The following SYT1 variants were observed in gnomAD, a reference collection of about 807,000 sequenced individuals.
SYT1 encodes synaptotagmin-1.
A neutral mutation model predicts 44.8 loss-of-function variants in SYT1; 8 were observed. The observed-to-expected ratio is 0.18, with a 90% confidence interval of 0.10 to 0.32. The LOEUF (loss-of-function observed/expected upper bound fraction) is 0.32. Among genes scored for constraint, SYT1 ranks in the 10% least tolerant of loss-of-function variants. The pLI is 1.00. For missense variants in SYT1, 286 were observed against 509.3 expected (o/e 0.56, Z 4.22); for synonymous variants, 154 against 188.8 (o/e 0.82, Z 1.51).
rs75015574 is a variant in SYT1 at position 78,926,156 on chromosome 12, G to A, written c.-216-51643G>A. 1.3e-3 allele frequency among the ~76,000 whole-genome samples: 202 copies of A among 152,164 alleles called. 1 individual carries two copies. The East Asian group carries it at 0.027, about 20-fold the overall frequency. On this transcript the variant is annotated intron_variant, in intron 1 of 10. Coordinates refer to ENST00000261205, the MANE Select transcript of SYT1 (RefSeq NM_005639.3). ...CAAAGAGTCCTGAGGCATGTCTGAAGAAATGAGCAGATTACATGCTTAACT... is the reference window on the plus strand; with the variant it reads ...CAAAGAGTCCTGAGGCATGTCTGAAAAAATGAGCAGATTACATGCTTAACT...
At chr12:79,271,845 G>A (rs914819219) in intron 4 of SYT1, among the ~76,000 whole-genome samples, 20 of 151,978 alleles carry the variant, frequency 1.3e-4, no homozygotes, top group African/African-American at 9.7e-5. Context: ...GATTTAAGTC[G>A]GTGAGAAAAA....
At chr12:79,207,110 G>A (rs1874171124) in intron 3 of SYT1, among the ~76,000 whole-genome samples, 1 of 152,120 alleles carries the variant, frequency 6.6e-6, no homozygotes, top group African/African-American at 2.4e-5. Flanking sequence ...AGTGTCATTG[G>A]CCTCAGTCCA....
rs376458075 is a variant in SYT1, at chr12:78,865,873, G to A, written c.-217+764G>A. ...CCTGTGGGGCTAACAATTTGGTATT[G>A]CACATCAGTGTTAATATCTGAACTT... On this transcript the variant is annotated intron_variant, in intron 1 of 10. Coordinates refer to ENST00000261205, the MANE Select transcript of SYT1 (RefSeq NM_005639.3). 2.0e-5 allele frequency among the ~76,000 whole-genome samples: 3 copies of A among 151,538 alleles called. No individual in the cohort carries two copies. The East Asian group carries it at 5.8e-4, about 29-fold the overall frequency.
chr12:79,203,084 T>C (rs1435528135), intron 3 of SYT1, among the ~76,000 whole-genome samples: 13 of 66,982 alleles, frequency 1.9e-4, no homozygotes, highest in Non-Finnish European at 5.6e-5. Flanking sequence ...AATAAGCCTA[T>C]GGAAAAAAAA....
At chr12:79,027,372 A>G (rs1392808852) in intron 2 of SYT1, among the ~76,000 whole-genome samples, 2 of 151,570 alleles carry the variant, frequency 1.3e-5, no homozygotes, top group Admixed American at 6.6e-5. Flanking sequence ...CACTTTCTCA[A>G]TGAGTCCATG....
intron 3 of SYT1, among the ~76,000 whole-genome samples, chr12:79,158,961 C>T (rs576767151): frequency 1.3e-5 from 2 of 151,830 alleles, no homozygotes; most frequent in South Asian, 2.1e-4. Context: ...CAAGGCAAAA[C>T]ATGTAGCATG....
intron 1 of SYT1, among the ~76,000 whole-genome samples, chr12:78,886,527 TACATA>T (rs1322786405): frequency 6.6e-6 from 1 of 152,016 alleles, no homozygotes; most frequent in East Asian, 1.9e-4. Context: ...TATAGACAAA[TACATA>T]GCAACAAATT....
intron 4 of SYT1, among the ~76,000 whole-genome samples, chr12:79,271,574 C>T (rs995741541): frequency 1.5e-4 from 23 of 152,088 alleles, no homozygotes; most frequent in African/African-American, 5.3e-4. Context: ...TTGCACAAAC[C>T]ATCCTTAGCA....
chr12:79,430,845 G>A (rs1200399413), intron 9 of SYT1, among the ~76,000 whole-genome samples: 2 of 152,170 alleles, frequency 1.3e-5, no homozygotes, highest in Non-Finnish European at 2.9e-5. Flanking sequence ...ATACTTAACT[G>A]GTTCATTCAG....
chr12:78,981,417 T>G (rs1391181165), intron 2 of SYT1, among the ~76,000 whole-genome samples: 1 of 152,136 alleles, frequency 6.6e-6, no homozygotes, highest in Admixed American at 6.6e-5. Context: ...AGAGCCACCA[T>G]GAGCAGCCTT....
At chr12:79,359,563 G>A (rs994175108) in intron 9 of SYT1, among the ~76,000 whole-genome samples, 1 of 152,114 alleles carries the variant, frequency 6.6e-6, no homozygotes, top group African/African-American at 2.4e-5. Context: ...TTACTTGAGG[G>A]AAATGATAGA....
chr12:79,388,208 C>T (rs940329159), intron 9 of SYT1, among the ~76,000 whole-genome samples: 4 of 152,118 alleles, frequency 2.6e-5, no homozygotes, highest in African/African-American at 7.2e-5. Context: ...GTAGCTGGAG[C>T]TGGGCCAGAA....
chr12:79,007,883 C>T (rs1423975882), intron 2 of SYT1, among the ~76,000 whole-genome samples: 1 of 151,872 alleles, frequency 6.6e-6, no homozygotes, highest in Admixed American at 6.6e-5. Context: ...GAGTAATGGC[C>T]CCCTTCAGTC....
At chr12:79,057,232 CCT>C (rs1875017178) in intron 3 of SYT1, among the ~76,000 whole-genome samples, 1 of 151,888 alleles carries the variant, frequency 6.6e-6, no homozygotes, top group Admixed American at 6.6e-5. Context: ...CAATCTATAT[CCT>C]CTGTTCTTAT....
At chr12:79,371,086 C>T (rs1883769434) in intron 9 of SYT1, among the ~76,000 whole-genome samples, 1 of 152,142 alleles carries the variant, frequency 6.6e-6, no homozygotes, top group Non-Finnish European at 1.5e-5. Context: ...TGTGCATTTA[C>T]TAATTTCGTC....
intron 4 of SYT1, among the ~76,000 whole-genome samples, chr12:79,218,312 T>C (rs1874939637): frequency 6.6e-6 from 1 of 152,204 alleles, no homozygotes; most frequent in African/African-American, 2.4e-5. Flanking sequence ...TATGGTGTAT[T>C]CCAGAAAAAT....
intron 2 of SYT1, 113 bp from the exon 3 acceptor site, chr12:79,047,184 A>G (rs1314909519): frequency 6.6e-6 from 1 of 151,620 alleles, no homozygotes; most frequent in African/African-American, 2.4e-5. Context: ...ATTGGAATAT[A>G]TAGTAAAATT....
chr12:79,238,697 C>T (rs771167397), intron 4 of SYT1, among the ~76,000 whole-genome samples: 5 of 152,200 alleles, frequency 3.3e-5, no homozygotes, highest in Non-Finnish European at 4.4e-5. Flanking sequence ...CTCCTGCCTA[C>T]TTCCAAATGC....
intron 2 of SYT1, among the ~76,000 whole-genome samples, chr12:79,028,182 AC>A (rs1256816382): frequency 1.3e-5 from 2 of 151,498 alleles, no homozygotes; most frequent in Non-Finnish European, 3.0e-5. Context: ...CATACTGTGT[AC>A]TGAAAGCCTC....
Sources: gnomAD v4.1 joint callset for allele counts (sites outside exome capture counted in the v4.1 genomes callset) on GRCh38, gnomAD v4.1.1 for gene constraint, MANE v1.5 for transcripts, NCBI Gene and HGNC (gene_info 2026-07-23, HGNC 2026-07-21) for gene names.